TBC1D8B: variants seen among roughly 807,000 people sequenced by gnomAD.
TBC1D8B encodes the protein TBC1 domain family member 8B, also known as RP11-321G1.1.
TBC1D8B carries 75 observed loss-of-function variants against 82.9 expected under a neutral mutation model. The ratio of observed to expected loss-of-function variants is 0.90; its 90% confidence interval spans 0.75 to 1.10. The LOEUF is 1.10. TBC1D8B is among the 50% of genes least tolerant of loss of function. TBC1D8B has a pLI of 0.00. For missense variants in TBC1D8B, 794 were observed against 796.9 expected (o/e 1.00, Z 0.04); for synonymous variants, 276 against 276.8 (o/e 1.00, Z 0.03).
At chrX:106,807,622 C>T (rs967308478) in intron 1 of TBC1D8B, among the ~76,000 whole-genome samples, 9 of 110,734 alleles carry the variant, frequency 8.1e-5, no homozygotes, top group African/African-American at 3.0e-4. Flanking sequence ...ACAAGGCTGC[C>T]CTTTCTTATT....
Position 106,866,053 on chromosome X carries a change from C to CA in TBC1D8B, c.2662+30dup, listed in dbSNP as rs113487148. ...CAATTGGTAAGATGATTTTTTTAAG[C>CA]AAAAAAAAAAGGTGCTCCTAGAAAT... On this transcript the variant is annotated intron_variant, in intron 16 of 20. Coordinates refer to ENST00000357242, the MANE Select transcript of TBC1D8B (RefSeq NM_017752.3). The CA allele has an allele frequency of 0.016, 15,139 of 938,013 alleles. 720 individuals are homozygous for CA. The African/African-American group carries it at 0.22, about 14-fold the overall frequency. 77.3% of individuals were successfully genotyped at this position (938,013 alleles called of 1,213,427 possible).
rs1170668542 is a variant in TBC1D8B at position 106,826,182 on chromosome X, T to C, written c.980T>C (p.Ile327Thr). Residue 327 changes from isoleucine (I) to threonine (T), a missense_variant, in exon 6 of 21, where the codon ATC becomes ACC. Coordinates refer to ENST00000357242, the MANE Select transcript of TBC1D8B (RefSeq NM_017752.3). Reference protein sequence around the residue: ...HGKMCISENYICFASQDGNQC... With the variant: ...HGKMCISENYTCFASQDGNQC... ...AAAATGTGCATCTCAGAAAATTATA[T>C]CTGCTTTGCTAGCCAAGATGGCAAT... The C allele has an allele frequency of 1.7e-6, 2 of 1,210,793 alleles. No homozygotes were observed. Among genetic ancestry groups the C allele is most frequent in the Admixed American group, 4.4e-5 (2 of 45,883 alleles).
rs1226683593 is a variant in TBC1D8B, at chrX:106,827,183, A to G, written c.1049A>G (p.Asp350Gly). Residue 350 changes from aspartate to glycine, a missense_variant, in exon 7 of 21, where the codon GAT becomes GGT. Coordinates refer to ENST00000357242, the MANE Select transcript of TBC1D8B (RefSeq NM_017752.3). Reference protein sequence around the residue: ...IIPLREVLAIDKTNDSSKSVI... With the variant: ...IIPLREVLAIGKTNDSSKSVI... ...TTCACCCCCTAGGTCTTAGCTATAG[A>G]TAAGACAAATGATTCCAGCAAATCT... The G allele has an allele frequency of 8.3e-7, 1 of 1,210,698 alleles. No individual in the cohort carries two copies. The highest frequency in any genetic ancestry group is 1.1e-6 in the Non-Finnish European group (1 of 894,682).
At chrX:106,852,235 G>A (rs376438758) in intron 12 of TBC1D8B, among the ~76,000 whole-genome samples, 2 of 98,789 alleles carry the variant, frequency 2.0e-5, no homozygotes, top group African/African-American at 7.4e-5. Context: ...GTCTGTTCAT[G>A]TCCTTCGCCC....
At chrX:106,847,939 C>T (rs1932496184) in intron 10 of TBC1D8B, among the ~76,000 whole-genome samples, 1 of 111,607 alleles carries the variant, frequency 9.0e-6, no homozygotes, top group African/African-American at 3.3e-5. Context: ...TTATTATGTT[C>T]TGTATTTATT....
At chrX:106,821,867 T>G in intron 3 of TBC1D8B, 110 bp from the exon 4 acceptor site, 1 of 613,338 alleles carries the variant, frequency 1.6e-6, no homozygotes. Flanking sequence ...GAGGAACCCA[T>G]GGATATGGAG....
At chrX:106,810,098 C>T (rs1374512697) in intron 1 of TBC1D8B, among the ~76,000 whole-genome samples, 1 of 111,577 alleles carries the variant, frequency 9.0e-6, no homozygotes, top group Admixed American at 9.5e-5. Flanking sequence ...ATAAAGTATG[C>T]TTATCTGAAG....
chrX:106,859,383 T>C (rs1932753842), intron 14 of TBC1D8B, among the ~76,000 whole-genome samples: 1 of 111,853 alleles, frequency 8.9e-6, no homozygotes, highest in Admixed American at 9.5e-5. Flanking sequence ...TCTGATTTCT[T>C]TGAGAAATGT....
At chrX:106,864,110 A>C (rs1932797079) in intron 14 of TBC1D8B, among the ~76,000 whole-genome samples, 1 of 111,025 alleles carries the variant, frequency 9.0e-6, no homozygotes, top group Non-Finnish European at 1.9e-5. Context: ...AGGCTTGTAG[A>C]GGTCCCCTTG....
At chrX:106,852,383 GT>G (rs1932607171) in intron 12 of TBC1D8B, among the ~76,000 whole-genome samples, 1 of 105,265 alleles carries the variant, frequency 9.5e-6, no homozygotes, top group Non-Finnish European at 2.0e-5. Context: ...CACTCTGATG[GT>G]AGTTTCTTTT....
At chrX:106,830,689 G>A (rs955503467) in intron 7 of TBC1D8B, among the ~76,000 whole-genome samples, 3 of 106,163 alleles carry the variant, frequency 2.8e-5, no homozygotes, top group African/African-American at 6.9e-5. Flanking sequence ...GTAAACTATC[G>A]CAAGGACAAA....
At chrX:106,837,207 A>T (rs890228261) in intron 7 of TBC1D8B, among the ~76,000 whole-genome samples, 2 of 112,007 alleles carry the variant, frequency 1.8e-5, no homozygotes, top group Non-Finnish European at 3.8e-5. Flanking sequence ...TTACATCAAA[A>T]TTAAAAACTT....
chrX:106,820,487 C>T (rs1368606667), intron 2 of TBC1D8B, among the ~76,000 whole-genome samples: 1 of 111,691 alleles, frequency 9.0e-6, no homozygotes, highest in Non-Finnish European at 1.9e-5. Flanking sequence ...ATATTATAGA[C>T]ACAGCACTAA....
intron 4 of TBC1D8B, among the ~76,000 whole-genome samples, chrX:106,822,738 C>G (rs947005524): frequency 4.6e-5 from 5 of 109,487 alleles, no homozygotes; most frequent in Non-Finnish European, 9.5e-5. Flanking sequence ...TGGCTCACGC[C>G]TATAATCCTA....
chrX:106,867,730 C>T (rs1210859814), intron 17 of TBC1D8B, among the ~76,000 whole-genome samples: 1 of 111,428 alleles, frequency 9.0e-6, no homozygotes, highest in Non-Finnish European at 1.9e-5. Context: ...ACCTGGGATC[C>T]CTTTTCAGCT....
intron 1 of TBC1D8B, among the ~76,000 whole-genome samples, chrX:106,816,019 C>G (rs186955029): frequency 6.6e-4 from 74 of 111,407 alleles, no homozygotes; most frequent in African/African-American, 2.3e-3. Flanking sequence ...GATGCCCTCT[C>G]TCACCAGTCC....
chrX:106,836,629 T>C (rs768710396), intron 7 of TBC1D8B, among the ~76,000 whole-genome samples: 1 of 110,700 alleles, frequency 9.0e-6, no homozygotes, highest in East Asian at 2.8e-4. Context: ...ATAGCTGGTG[T>C]AGTTATAATC....
chrX:106,849,830 T>G lies in TBC1D8B; in HGVS notation c.1838-195T>G, dbSNP rs761257555. On this transcript the variant is annotated intron_variant, in intron 11 of 20. Coordinates refer to ENST00000357242, the MANE Select transcript of TBC1D8B (RefSeq NM_017752.3). Reference sequence around the variant, plus strand: ...AAGACTCAATAAATAACTCTTCAAATGAATTTGAATTGTGTTTCTGAAGTA... The same window carrying G: ...AAGACTCAATAAATAACTCTTCAAAGGAATTTGAATTGTGTTTCTGAAGTA... 2.0e-5 allele frequency: 20 copies of G among 1,017,698 alleles called. No individual in the cohort carries two copies. The South Asian group carries it at 7.1e-4, about 36-fold the overall frequency. 83.9% of individuals were successfully genotyped at this position (1,017,698 alleles called of 1,213,427 possible).
chrX:106,814,404 C>T (rs1931474003), intron 1 of TBC1D8B: 1 of 106,292 alleles, frequency 9.4e-6, no homozygotes, highest in South Asian at 4.5e-4. Context: ...CATAGTATTC[C>T]ATGGTGTATA....
Sources: gnomAD v4.1 joint callset for allele counts (sites outside exome capture counted in the v4.1 genomes callset) on GRCh38, gnomAD v4.1.1 for gene constraint, MANE v1.5 for transcripts, NCBI Gene and HGNC (gene_info 2026-07-23, HGNC 2026-07-21) for gene names.